The following CHST8 variants were observed in gnomAD, a reference collection of about 807,000 sequenced individuals.
CHST8 encodes GALNAC-4-ST1.
Under a neutral mutation model 15.0 loss-of-function variants are expected in CHST8, and 10 were observed. The ratio of observed to expected loss-of-function variants is 0.67; its 90% CI spans 0.41 to 1.13. The LOEUF is 1.13. CHST8 is among the 50% of genes most tolerant of loss of function. The pLI is 0.00. For synonymous variants in CHST8, 259 were observed against 256.6 expected (o/e 1.01, Z -0.09); for missense variants, 634 against 608.2 (o/e 1.04, Z -0.45).
intron 1 of CHST8, among the ~76,000 whole-genome samples, chr19:33,646,453 C>T (rs914662993): frequency 6.6e-6 from 1 of 152,214 alleles, no homozygotes; most frequent in African/African-American, 2.4e-5. Context: ...ATACCTCAAA[C>T]ACTAGTCGTA....
intron 2 of CHST8, among the ~76,000 whole-genome samples, chr19:33,682,153 G>C (rs943024314): frequency 9.7e-6 from 1 of 103,234 alleles, no homozygotes; most frequent in Non-Finnish European, 2.3e-5. Context: ...ACCGTGCCTG[G>C]TGTGTGTGTG....
intron 1 of CHST8, among the ~76,000 whole-genome samples, chr19:33,646,646 G>T (rs777000877): frequency 1.2e-4 from 19 of 152,228 alleles, no homozygotes; most frequent in Non-Finnish European, 2.8e-4. Flanking sequence ...AGGCACAGTG[G>T]CTCACGCCTG....
chr19:33,693,094 C>T (rs1267482723), intron 3 of CHST8, among the ~76,000 whole-genome samples: 1 of 151,744 alleles, frequency 6.6e-6, no homozygotes, highest in East Asian at 1.9e-4. Context: ...GCAAACTCCA[C>T]CTCCTGAGTT....
At chr19:33,673,183 C>G (rs1328086406) in intron 2 of CHST8, among the ~76,000 whole-genome samples, 1 of 152,194 alleles carries the variant, frequency 6.6e-6, no homozygotes, top group Non-Finnish European at 1.5e-5. Flanking sequence ...GGTCCCCGTG[C>G]CCGCCAAGCA....
chr19:33,718,803 G>T (rs1444727360), intron 3 of CHST8, among the ~76,000 whole-genome samples: 2 of 152,216 alleles, frequency 1.3e-5, no homozygotes, highest in Non-Finnish European at 2.9e-5. Flanking sequence ...CCAGCATGAG[G>T]CTGGCCCTGC....
At chr19:33,634,444 A>G (rs11668513) in intron 1 of CHST8, among the ~76,000 whole-genome samples, 93,216 of 151,886 alleles carry the variant, frequency 0.61, 29,293 homozygotes, top group Middle Eastern at 0.71. Context: ...AACGTCTGGC[A>G]GTGCTTCTGA....
At chr19:33,651,278 T>C (rs1417737000) in intron 1 of CHST8, among the ~76,000 whole-genome samples, 1 of 152,198 alleles carries the variant, frequency 6.6e-6, no homozygotes, top group African/African-American at 2.4e-5. Flanking sequence ...TTCCGGACAA[T>C]GTTAAATAAC....
intron 2 of CHST8, among the ~76,000 whole-genome samples, chr19:33,688,779 G>A (rs1195064916): frequency 6.6e-6 from 1 of 152,176 alleles, no homozygotes; most frequent in East Asian, 1.9e-4. Flanking sequence ...CCAGGGACAA[G>A]GACCCAGGTT....
chr19:33,748,927 C>A (rs987694331), intron 3 of CHST8, among the ~76,000 whole-genome samples: 3 of 152,078 alleles, frequency 2.0e-5, no homozygotes, highest in African/African-American at 7.2e-5. Flanking sequence ...AAGGCTCACT[C>A]GGAGGAGAGC....
chr19:33,672,136 G>A (rs1459123808), intron 2 of CHST8, among the ~76,000 whole-genome samples: 1 of 152,040 alleles, frequency 6.6e-6, no homozygotes, highest in Non-Finnish European at 1.5e-5. Context: ...AGTAAAAGAG[G>A]TGTATGGTTT....
chr19:33,732,363 G>A (rs776749305), intron 3 of CHST8, among the ~76,000 whole-genome samples: 18 of 151,964 alleles, frequency 1.2e-4, no homozygotes, highest in Non-Finnish European at 2.5e-4. Context: ...AGCACCAGAC[G>A]CCACAAGTAA....
intron 1 of CHST8, among the ~76,000 whole-genome samples, chr19:33,664,500 T>A (rs911349442): frequency 2.8e-5 from 4 of 142,104 alleles, no homozygotes; most frequent in Non-Finnish European, 3.0e-5. Flanking sequence ...TGTCCATGTG[T>A]TCTCATTGTT....
At chr19:33,633,083 G>C (rs549967185) in intron 1 of CHST8, among the ~76,000 whole-genome samples, 1 of 151,534 alleles carries the variant, frequency 6.6e-6, no homozygotes, top group Non-Finnish European at 1.5e-5. Context: ...CACCCGCCTC[G>C]GTCTCCCAAA....
intron 1 of CHST8, among the ~76,000 whole-genome samples, chr19:33,665,893 G>C (rs2145226599): frequency 6.6e-6 from 1 of 152,338 alleles, no homozygotes; most frequent in East Asian, 1.9e-4. Context: ...CAGCAGACAA[G>C]GTCAGACTGG....
rs778756803 is a variant in CHST8 at position 33,772,373 on chromosome 19, C to A, written c.585C>A (p.Cys195Ter). 5.0e-6 allele frequency: 8 copies of A among 1,608,418 alleles called. No homozygotes were observed. Among genetic ancestry groups the A allele is most frequent in the Admixed American group, 1.7e-5 (1 of 59,950 alleles). The change falls in exon 5 of 5, where the codon TGC becomes TGA. Residue 195 changes from cysteine to a stop codon, truncating the protein, a stop_gained. Transcript: ENST00000650847. LOFTEE classifies it high-confidence loss of function. The part of the protein sequence containing the change: ...FVEDRHRVLY[C>*]EVPKAGCSNW... Reference sequence around the variant, plus strand: ...AGGACCGCCACCGCGTGCTCTACTGCGAGGTGCCCAAGGCCGGCTGCTCCA... The same window carrying A: ...AGGACCGCCACCGCGTGCTCTACTGAGAGGTGCCCAAGGCCGGCTGCTCCA...
intron 2 of CHST8, chr19:33,684,673 CAA>C (rs1972943469): frequency 1.3e-5 from 2 of 152,140 alleles, no homozygotes; most frequent in Admixed American, 1.3e-4. Flanking sequence ...ACTAGTCTGA[CAA>C]AACAGAAGGA....
At chr19:33,651,382 C>A (rs142356770) in intron 1 of CHST8, among the ~76,000 whole-genome samples, 1 of 150,158 alleles carries the variant, frequency 6.7e-6, no homozygotes, top group Non-Finnish European at 1.5e-5. Flanking sequence ...TAAAAAAAAG[C>A]GTCCTATATT....
chr19:33,668,242 G>A (rs559162074), intron 2 of CHST8, among the ~76,000 whole-genome samples: 2 of 152,220 alleles, frequency 1.3e-5, no homozygotes, highest in Non-Finnish European at 2.9e-5. Flanking sequence ...AATTGCATCT[G>A]TGTGATTGTT....
At chr19:33,759,902 A>G (rs1198057278) in intron 3 of CHST8, among the ~76,000 whole-genome samples, 1 of 152,176 alleles carries the variant, frequency 6.6e-6, no homozygotes, top group African/African-American at 2.4e-5. Context: ...ATGGGATTTC[A>G]GACCACGGAA....
Sources: allele counts gnomAD v4.1 joint callset (sites outside exome capture counted in the v4.1 genomes callset), GRCh38; gene constraint gnomAD v4.1.1; transcripts MANE v1.5; gene names NCBI Gene and HGNC (gene_info 2026-07-23, HGNC 2026-07-21).